SKAP1: variants seen among roughly 807,000 people sequenced by gnomAD.
SKAP1 encodes src kinase-associated phosphoprotein 1.
A neutral mutation model predicts 58.5 loss-of-function variants in SKAP1; 44 were observed. The observed-to-expected ratio is 0.75, with a 90% CI of 0.59 to 0.97. SKAP1 has a LOEUF of 0.97. SKAP1 is among the 50% of genes least tolerant of loss of function. SKAP1 has a pLI of 0.00. For synonymous variants in SKAP1, 127 were observed against 149.7 expected, an observed-to-expected ratio of 0.85 and a Z score of 1.11; for missense variants, 390 against 435.2, an observed-to-expected ratio of 0.90 and a Z score of 0.92.
intron 3 of SKAP1, among the ~76,000 whole-genome samples, chr17:48,356,967 G>A (rs949746812): frequency 5.3e-5 from 8 of 152,038 alleles, no homozygotes; most frequent in African/African-American, 1.9e-4. Context: ...ATACTCCTTG[G>A]AGAACCTTCC....
intron 11 of SKAP1, among the ~76,000 whole-genome samples, chr17:48,138,603 C>T (rs2063731346): frequency 6.6e-6 from 1 of 152,140 alleles, no homozygotes; most frequent in African/African-American, 2.4e-5. Flanking sequence ...CTTCTGACCC[C>T]AGATGATCCA....
intron 4 of SKAP1, among the ~76,000 whole-genome samples, chr17:48,249,606 CG>C (rs2065338692): frequency 6.6e-6 from 1 of 151,668 alleles, no homozygotes; most frequent in Non-Finnish European, 1.5e-5. Context: ...CCCCGGAAGT[CG>C]AGGCTGCTGT....
intron 1 of SKAP1, chr17:48,396,991 A>G (rs1225633231): frequency 5.3e-6 from 1 of 188,526 alleles, no homozygotes; most frequent in African/African-American, 2.4e-5. Flanking sequence ...AGAACTGTAT[A>G]CTTTATAATA....
chr17:48,259,414 C>G (rs2065462364), intron 4 of SKAP1, among the ~76,000 whole-genome samples: 1 of 152,116 alleles, frequency 6.6e-6, no homozygotes, highest in African/African-American at 2.4e-5. Context: ...CACACAGTGT[C>G]TGATAACTCA....
chr17:48,239,100 C>G (rs2065214623), intron 4 of SKAP1, among the ~76,000 whole-genome samples: 3 of 152,130 alleles, frequency 2.0e-5, no homozygotes, highest in African/African-American at 4.8e-5. Context: ...TGAATCATAA[C>G]AAATCAAATG....
the SKAP1 span, among the ~76,000 whole-genome samples, chr17:48,442,668 T>A: frequency 6.6e-6 from 1 of 152,086 alleles, no homozygotes; most frequent in African/African-American, 2.4e-5. Context: ...TCATCTTTCT[T>A]CCCTCTTTCT....
intron 4 of SKAP1, among the ~76,000 whole-genome samples, chr17:48,268,023 T>C (rs1056611114): frequency 1.3e-5 from 2 of 152,190 alleles, no homozygotes; most frequent in Non-Finnish European, 2.9e-5. Flanking sequence ...GTTAATGTAA[T>C]AATCCAGTGT....
At chr17:48,281,146 C>T (rs1354591057) in intron 4 of SKAP1, among the ~76,000 whole-genome samples, 1 of 152,192 alleles carries the variant, frequency 6.6e-6, no homozygotes, top group Non-Finnish European at 1.5e-5. Flanking sequence ...CTGCCTCAGC[C>T]TCCCAAGTAG....
intron 4 of SKAP1, among the ~76,000 whole-genome samples, chr17:48,196,187 T>A (rs563026805): frequency 1.3e-5 from 2 of 152,314 alleles, no homozygotes; most frequent in South Asian, 4.1e-4. Context: ...CCATGCTGTT[T>A]CCAATACTCT....
At chr17:48,261,243 C>T (rs541362235) in intron 4 of SKAP1, among the ~76,000 whole-genome samples, 3 of 152,208 alleles carry the variant, frequency 2.0e-5, no homozygotes, top group Admixed American at 1.3e-4. Context: ...TCTCAAAATA[C>T]GCCATGCTTT....
intron 2 of SKAP1, among the ~76,000 whole-genome samples, chr17:48,372,439 T>C (rs1382902948): frequency 6.6e-6 from 1 of 152,158 alleles, no homozygotes; most frequent in Non-Finnish European, 1.5e-5. Context: ...CCCGAGTAGC[T>C]GGGATTACAG....
chr17:48,424,083 T>C (rs1404458717), intron 1 of SKAP1, among the ~76,000 whole-genome samples: 1 of 152,202 alleles, frequency 6.6e-6, no homozygotes, highest in Non-Finnish European at 1.5e-5. Flanking sequence ...CATAAATTTA[T>C]TTCTCAAGTG....
chr17:48,252,348 T>C (rs1309265426), intron 4 of SKAP1, among the ~76,000 whole-genome samples: 1 of 152,204 alleles, frequency 6.6e-6, no homozygotes, highest in East Asian at 1.9e-4. Flanking sequence ...CAGTAGCACT[T>C]CTTGAGACCA....
At chr17:48,415,179 T>C (rs1350877778) in intron 1 of SKAP1, among the ~76,000 whole-genome samples, 1 of 152,130 alleles carries the variant, frequency 6.6e-6, no homozygotes, top group African/African-American at 2.4e-5. Flanking sequence ...AAAGTGTTCC[T>C]AGAGGGGAAA....
chr17:48,183,956 T>C (rs2143479375), intron 7 of SKAP1, among the ~76,000 whole-genome samples: 1 of 152,008 alleles, frequency 6.6e-6, no homozygotes, highest in African/African-American at 2.4e-5. Context: ...ATTGCTTTAA[T>C]AAAATTGTGA....
Position 48,383,714 on chromosome 17 carries a change from C to CT in SKAP1, c.152+12965dup, listed in dbSNP as rs554578193. On this transcript the variant is annotated intron_variant, in intron 2 of 12. Transcript: ENST00000336915. ...ATCCTTCAACTCTTAAATCTCTGCC[C>CT]TTTTTTTTTTTTTTTTTTTTGAGAT... is the stretch of plus-strand genomic sequence containing the variant. Among the ~76,000 whole-genome samples, 147 of 111,638 alleles carry CT rather than the reference C, an allele frequency of 1.3e-3. 2 individuals carry two copies. In the South Asian group the frequency reaches 0.017, roughly 13 times the overall value. The allele number at this position is 111,638 out of a possible 152,430, so 73.2% of individuals were successfully genotyped here. A position where few individuals can be genotyped will look rare whatever the true frequency, so the allele number is the denominator to read the frequency against.
chr17:48,388,394 A>T (rs2067305213), intron 2 of SKAP1, among the ~76,000 whole-genome samples: 1 of 152,132 alleles, frequency 6.6e-6, no homozygotes, highest in Non-Finnish European at 1.5e-5. Flanking sequence ...AGATCACGCC[A>T]CTGCACTCCA....
chr17:48,386,884 T>G (rs1450214505), intron 2 of SKAP1, among the ~76,000 whole-genome samples: 1 of 152,212 alleles, frequency 6.6e-6, no homozygotes, highest in African/African-American at 2.4e-5. Context: ...ACAGGGCACC[T>G]AAATATTCAG....
At chr17:48,347,841 C>T (rs1268439069) in intron 3 of SKAP1, among the ~76,000 whole-genome samples, 3 of 152,030 alleles carry the variant, frequency 2.0e-5, no homozygotes, top group South Asian at 2.1e-4. Flanking sequence ...AAATGGACTG[C>T]CTGGCTAGTA....
Sources: allele counts gnomAD v4.1 joint callset (sites outside exome capture counted in the v4.1 genomes callset), GRCh38; gene constraint gnomAD v4.1.1; transcripts MANE v1.5; gene names NCBI Gene and HGNC (gene_info 2026-07-23, HGNC 2026-07-21).